Variants in RASGEF1C observed in about 807,000 individuals in gnomAD.
The protein encoded by RASGEF1C is ras-GEF domain-containing family member 1C.
Under a neutral mutation model 58.1 loss-of-function variants are expected in RASGEF1C, and 27 were observed. That is an observed-to-expected ratio of 0.46 (90% CI 0.34 to 0.64). The LOEUF is 0.64. Ranked by LOEUF, RASGEF1C falls within the 30% of genes least tolerant of loss-of-function variation. RASGEF1C has a pLI of 0.01. For synonymous variants in RASGEF1C, 243 were observed against 246.3 expected, an observed-to-expected ratio of 0.99 and a Z score of 0.13; for missense variants, 502 against 605.1, an observed-to-expected ratio of 0.83 and a Z score of 1.79.
intron 1 of RASGEF1C, among the ~76,000 whole-genome samples, chr5:180,171,028 C>G (rs1255278132): frequency 6.6e-6 from 1 of 152,172 alleles, no homozygotes; most frequent in African/African-American, 2.4e-5. Context: ...TGGCCCAGGT[C>G]AGAAGACGCG....
At chr5:180,150,355 G>A (rs1289018232) in intron 1 of RASGEF1C, among the ~76,000 whole-genome samples, 1 of 152,152 alleles carries the variant, frequency 6.6e-6, no homozygotes, top group East Asian at 1.9e-4. Flanking sequence ...TAATAAGTCT[G>A]TCATGTAGTC....
intron 1 of RASGEF1C, among the ~76,000 whole-genome samples, chr5:180,142,261 G>C (rs1490910613): frequency 6.6e-6 from 1 of 152,146 alleles, no homozygotes; most frequent in East Asian, 1.9e-4. Context: ...CTGCTCCCGT[G>C]GGGTTCCGCT....
chr5:180,142,357 AG>A (rs1766592017), intron 1 of RASGEF1C, among the ~76,000 whole-genome samples: 1 of 152,014 alleles, frequency 6.6e-6, no homozygotes, highest in African/African-American at 2.4e-5. Flanking sequence ...CACTGCGGGG[AG>A]GGGTGGTATG....
At chr5:180,183,646 G>T (rs549841889) in intron 1 of RASGEF1C, among the ~76,000 whole-genome samples, 68 of 152,118 alleles carry the variant, frequency 4.5e-4, no homozygotes, top group African/African-American at 1.5e-3. Flanking sequence ...CCAACATGGA[G>T]AAATTCCGTC....
intron 1 of RASGEF1C, among the ~76,000 whole-genome samples, chr5:180,208,310 C>T (rs1251687556): frequency 3.3e-5 from 5 of 152,154 alleles, no homozygotes; most frequent in Non-Finnish European, 7.4e-5. Context: ...AAGAGCTCCA[C>T]CAGCACCCCA....
At chr5:180,204,210 T>C (rs1371147338) in intron 1 of RASGEF1C, among the ~76,000 whole-genome samples, 1 of 152,260 alleles carries the variant, frequency 6.6e-6, no homozygotes, top group African/African-American at 2.4e-5. Flanking sequence ...GTCTCTACTT[T>C]TCTGGCCATT....
intron 1 of RASGEF1C, among the ~76,000 whole-genome samples, chr5:180,179,637 G>C (rs1767289838): frequency 6.6e-6 from 1 of 152,224 alleles, no homozygotes; most frequent in Admixed American, 6.5e-5. Flanking sequence ...AGGCTGGGAA[G>C]GAGACGCGTC....
chr5:180,141,057 A>C (rs1056171846), intron 1 of RASGEF1C, among the ~76,000 whole-genome samples: 1 of 152,212 alleles, frequency 6.6e-6, no homozygotes, highest in Non-Finnish European at 1.5e-5. Flanking sequence ...CGCTTTTATT[A>C]GTTTCTAGTC....
chr5:180,140,400 C>CT (rs888754358), intron 1 of RASGEF1C, among the ~76,000 whole-genome samples: 1 of 152,216 alleles, frequency 6.6e-6, no homozygotes, highest in African/African-American at 2.4e-5. Flanking sequence ...TGACTCCTGG[C>CT]TCCATTCCAG....
intron 1 of RASGEF1C, among the ~76,000 whole-genome samples, chr5:180,195,716 CACA>C (rs1204722665): frequency 1.3e-5 from 2 of 150,438 alleles, no homozygotes; most frequent in East Asian, 2.0e-4. Flanking sequence ...GAGCCGAGAT[CACA>C]CCACTACTGC....
chr5:180,208,518 C>G (rs1244169677), intron 1 of RASGEF1C, among the ~76,000 whole-genome samples: 1 of 152,202 alleles, frequency 6.6e-6, no homozygotes, highest in East Asian at 1.9e-4. Flanking sequence ...CCCCACTGTT[C>G]TCGCAGGCCC....
intron 1 of RASGEF1C, among the ~76,000 whole-genome samples, chr5:180,206,736 G>A (rs1238456674): frequency 6.6e-6 from 1 of 152,184 alleles, no homozygotes; most frequent in Non-Finnish European, 1.5e-5. Flanking sequence ...GCCACAGAAC[G>A]AAATACTATG....
In RASGEF1C at chr5:180,166,103, C is replaced by CAT. The variant is rs764035642; in HGVS notation, c.-6-28047_-6-28046dup. Among the ~76,000 whole-genome samples the CAT allele has an allele frequency of 6.1e-4, 92 of 151,892 alleles. No individual in the cohort carries two copies. In the East Asian group the frequency reaches 8.5e-3, roughly 14 times the overall value. ...TCATGGTTTGCACTAGAGATTACAG[C>CAT]ATATATATATATTTAACTTTTCACA... On this transcript the variant is annotated intron_variant, in intron 1 of 13. Coordinates refer to ENST00000361132, the MANE Select transcript of RASGEF1C (RefSeq NM_175062.4).
At chr5:180,112,580 G>T (rs1000545229) in intron 11 of RASGEF1C, among the ~76,000 whole-genome samples, 1 of 152,086 alleles carries the variant, frequency 6.6e-6, no homozygotes, top group Non-Finnish European at 1.5e-5. Flanking sequence ...GTGGGGCCTC[G>T]CACCCACTGT....
intron 1 of RASGEF1C, among the ~76,000 whole-genome samples, chr5:180,208,191 T>C (rs1170505230): frequency 6.6e-6 from 1 of 152,004 alleles, no homozygotes; most frequent in Non-Finnish European, 1.5e-5. Flanking sequence ...TAAACCTCAG[T>C]TACTCCACCT....
intron 12 of RASGEF1C, among the ~76,000 whole-genome samples, chr5:180,103,936 G>A (rs540136504): frequency 2.0e-5 from 3 of 152,268 alleles, no homozygotes; most frequent in East Asian, 3.9e-4. Flanking sequence ...ATATAATCAT[G>A]TGTCTTTTCT....
chr5:180,136,461 C>G lies in RASGEF1C; in HGVS notation c.355G>C (p.Glu119Gln), dbSNP rs1239208491. ...TCCTGGAAGTCCCTTGGGAAGGTCT[C>G]GGTCCACTCGGCCAACAGCTGCAGC... Reference protein sequence around the residue: ...KLLQLLAEWTETFPRDFQEES... With the variant: ...KLLQLLAEWTQTFPRDFQEES... Residue 119 changes from glutamate (E) to glutamine (Q), a missense_variant, in exon 4 of 14, where the codon GAG becomes CAG. By Grantham distance (29) the Glu-to-Gln change is conservative. Coordinates refer to ENST00000361132, the MANE Select transcript of RASGEF1C (RefSeq NM_175062.4). The G allele has an allele frequency of 6.4e-7, 1 of 1,561,306 alleles. No homozygotes were observed. Among genetic ancestry groups the G allele is most frequent in the Admixed American group, 1.9e-5 (1 of 53,012 alleles).
At chr5:180,188,532 C>G (rs1411661538) in intron 1 of RASGEF1C, among the ~76,000 whole-genome samples, 1 of 152,190 alleles carries the variant, frequency 6.6e-6, no homozygotes, top group Non-Finnish European at 1.5e-5. Context: ...TCTCAGCCAA[C>G]TAATAATAGA....
At chr5:180,164,507 T>C (rs79996105) in intron 1 of RASGEF1C, among the ~76,000 whole-genome samples, 1,544 of 152,342 alleles carry the variant, frequency 0.01, 25 homozygotes, top group African/African-American at 0.035. Flanking sequence ...TTTCATTCAG[T>C]TAAAAATGTT....
Sources: allele counts gnomAD v4.1 joint callset (sites outside exome capture counted in the v4.1 genomes callset), GRCh38; gene constraint gnomAD v4.1.1; transcripts MANE v1.5; gene names NCBI Gene and HGNC (gene_info 2026-07-23, HGNC 2026-07-21).